The following EMP2 variants were observed in gnomAD, a reference collection of about 807,000 sequenced individuals.
EMP2 encodes epithelial membrane protein 2.
Under a neutral mutation model 13.7 loss-of-function variants are expected in EMP2, and 19 were observed. The ratio of observed to expected loss-of-function variants is 1.38; its 90% CI spans 0.97 to 2.03. The LOEUF (loss-of-function observed/expected upper bound fraction) is 2.03, where lower values mean the gene tolerates loss of function less well. Among genes scored for constraint, EMP2 ranks in the 30% most tolerant of loss-of-function variants. The probability of loss-of-function intolerance (pLI) is 0.00; values close to 1 mark genes in which losing one functional copy is unlikely to be tolerated. For synonymous variants in EMP2, 97 were observed against 84.7 expected (o/e 1.15, Z -0.80); for missense variants, 253 against 220.7 (o/e 1.15, Z -0.93).
intron 3 of EMP2, among the ~76,000 whole-genome samples, chr16:10,542,440 C>T (rs1480054864): frequency 1.9e-5 from 2 of 102,754 alleles, no homozygotes; most frequent in Non-Finnish European, 1.9e-5. Flanking sequence ...AAACTAAACC[C>T]TCCCCCCCCA....
chr16:10,532,204 G>C lies in EMP2; in HGVS notation c.*701C>G, dbSNP rs554007178. The C allele has an allele frequency of 1.7e-3, 35 of 20,250 alleles. No individual in the cohort carries two copies. In the South Asian group the frequency reaches 0.039, roughly 23 times the overall value. The allele number at this position is 20,250 out of a possible 1,614,324, so 1.3% of individuals were successfully genotyped here. A position where few individuals can be genotyped will look rare whatever the true frequency, so the allele number is the denominator to read the frequency against. ...TCTGATTCTGTAGGTCTGGGGTGAG[G>C]GGGGGGGCGCTGTAGGTTTTGCCTA... On this transcript the variant is annotated 3_prime_UTR_variant, in exon 5 of 5. Transcript: ENST00000359543.
chr16:10,540,666 A>G (rs758008731), intron 3 of EMP2, among the ~76,000 whole-genome samples: 5 of 152,118 alleles, frequency 3.3e-5, no homozygotes, highest in Non-Finnish European at 7.3e-5. Context: ...AAACAGGCTT[A>G]GAGGCTTCAG....
At chr16:10,572,894 T>C (rs185905211) in intron 1 of EMP2, among the ~76,000 whole-genome samples, 1 of 151,800 alleles carries the variant, frequency 6.6e-6, no homozygotes, top group Non-Finnish European at 1.5e-5. Flanking sequence ...TGGAAAACTG[T>C]GATGAGTTAG....
intron 1 of EMP2, among the ~76,000 whole-genome samples, chr16:10,548,893 G>A (rs1288152713): frequency 6.6e-6 from 1 of 152,042 alleles, no homozygotes; most frequent in African/African-American, 2.4e-5. Context: ...CAGCTAGATG[G>A]GGAACTCATT....
chr16:10,533,084 C>T lies in EMP2; in HGVS notation c.325G>A (p.Val109Ile), dbSNP rs1223723338. ...GTATAAATGGAGGCCGCAATCATGACACACAGACCTGTCAGGAAGAAAGGT... is the reference window on the plus strand; with the variant it reads ...GTATAAATGGAGGCCGCAATCATGATACACAGACCTGTCAGGAAGAAAGGT... ...SIIQLMSCLCVMIAASIYTDR... is the reference protein window; with the variant it reads ...SIIQLMSCLCIMIAASIYTDR... The change falls in exon 5 of 5, where the codon GTC becomes ATC. Residue 109 changes from valine to isoleucine, a missense_variant. Transcript: ENST00000359543. The T allele has an allele frequency of 1.3e-6, 2 of 1,572,292 alleles. No individual in the cohort carries two copies. The highest frequency in any genetic ancestry group is 1.4e-5 in the African/African-American group (1 of 73,492).
At chr16:10,561,978 G>T (rs962018217) in intron 1 of EMP2, among the ~76,000 whole-genome samples, 3 of 152,180 alleles carry the variant, frequency 2.0e-5, no homozygotes, top group Admixed American at 6.5e-5. Flanking sequence ...CTTCATGGGT[G>T]AATTCTGCCA....
chr16:10,562,721 G>C (rs768549331), intron 1 of EMP2, among the ~76,000 whole-genome samples: 3 of 152,220 alleles, frequency 2.0e-5, no homozygotes, highest in Non-Finnish European at 2.9e-5. Flanking sequence ...TGCTGTATTA[G>C]ATTTAGAGTT....
chr16:10,557,097 C>T (rs2050834498), intron 1 of EMP2, among the ~76,000 whole-genome samples: 1 of 152,140 alleles, frequency 6.6e-6, no homozygotes, highest in Non-Finnish European at 1.5e-5. Context: ...TGGCTCATGG[C>T]TATAATCCCA....
intron 3 of EMP2, among the ~76,000 whole-genome samples, chr16:10,539,836 G>A (rs1050316869): frequency 1.3e-5 from 2 of 152,092 alleles, no homozygotes; most frequent in African/African-American, 2.4e-5. Flanking sequence ...TTCCAATATG[G>A]AGCCCAAGTG....
chr16:10,537,120 A>C (rs2050653557), intron 4 of EMP2, among the ~76,000 whole-genome samples: 1 of 152,146 alleles, frequency 6.6e-6, no homozygotes, highest in South Asian at 2.1e-4. Context: ...TGCCTTCATC[A>C]AGCCACTCGT....
intron 4 of EMP2, among the ~76,000 whole-genome samples, chr16:10,534,861 T>C (rs1423883315): frequency 2.0e-5 from 3 of 152,336 alleles, no homozygotes; most frequent in South Asian, 2.1e-4. Context: ...GGGACCTATC[T>C]CTCTCCTGGC....
rs368825920 is a variant in EMP2 at position 10,532,205 on chromosome 16, G to C, written c.*700C>G. ...CTGATTCTGTAGGTCTGGGGTGAGG[G>C]GGGGGGCGCTGTAGGTTTTGCCTAA... On this transcript the variant is annotated 3_prime_UTR_variant, in exon 5 of 5. Transcript: ENST00000359543. The C allele has an allele frequency of 7.9e-4, 122 of 154,716 alleles. 3 individuals carry two copies. The South Asian group carries it at 0.018, about 22-fold the overall frequency. The allele number at this position is 154,716 out of a possible 1,614,324, so 9.6% of individuals were successfully genotyped here. A position where few individuals can be genotyped will look rare whatever the true frequency, so the allele number is the denominator to read the frequency against.
chr16:10,579,304 C>A (rs944393923), intron 1 of EMP2, among the ~76,000 whole-genome samples: 1 of 152,126 alleles, frequency 6.6e-6, no homozygotes, highest in East Asian at 1.9e-4. Flanking sequence ...TGTGTCGGTT[C>A]TTAGATTTCT....
At chr16:10,561,048 A>G (rs371993415) in intron 1 of EMP2, among the ~76,000 whole-genome samples, 2 of 152,134 alleles carry the variant, frequency 1.3e-5, no homozygotes, top group African/African-American at 4.8e-5. Context: ...TGGGGAAGCT[A>G]TTGGAGCAGC....
intron 1 of EMP2, among the ~76,000 whole-genome samples, chr16:10,557,426 A>G (rs1329730529): frequency 6.6e-6 from 1 of 151,202 alleles, no homozygotes; most frequent in Non-Finnish European, 1.5e-5. Flanking sequence ...GGTTGGCTGC[A>G]TTTTTCATCC....
At chr16:10,566,338 AC>A (rs2050906642) in intron 1 of EMP2, among the ~76,000 whole-genome samples, 1 of 152,198 alleles carries the variant, frequency 6.6e-6, no homozygotes, top group Non-Finnish European at 1.5e-5. Flanking sequence ...GAAAACAAAT[AC>A]CCCCTGCCCC....
chr16:10,548,148 G>A (rs1242085355), intron 1 of EMP2, among the ~76,000 whole-genome samples: 1 of 152,216 alleles, frequency 6.6e-6, no homozygotes, highest in Non-Finnish European at 1.5e-5. Flanking sequence ...GGGGCTGTCT[G>A]CTGTTGCATC....
chr16:10,573,028 C>A (rs1177750143), intron 1 of EMP2, among the ~76,000 whole-genome samples: 1 of 152,142 alleles, frequency 6.6e-6, no homozygotes, highest in Non-Finnish European at 1.5e-5. Context: ...AGGGAGTGGT[C>A]AGCATGGGTT....
chr16:10,557,471 T>C (rs1373991186), intron 1 of EMP2, among the ~76,000 whole-genome samples: 5 of 152,188 alleles, frequency 3.3e-5, no homozygotes, highest in African/African-American at 1.2e-4. Context: ...GCGCTTGCTG[T>C]CTTTTTTGAT....
Sources: gnomAD v4.1 joint callset for allele counts (sites outside exome capture counted in the v4.1 genomes callset) on GRCh38, gnomAD v4.1.1 for gene constraint, MANE v1.5 for transcripts, NCBI Gene and HGNC (gene_info 2026-07-23, HGNC 2026-07-21) for gene names.